SPTBN4: variants seen among roughly 807,000 people sequenced by gnomAD.
SPTBN4 encodes spectrin beta, non-erythrocytic 4.
Under a neutral mutation model 277.8 loss-of-function variants are expected in SPTBN4, and 96 were observed. That is an observed-to-expected ratio of 0.35 (90% CI 0.29 to 0.41). The LOEUF is 0.41. SPTBN4 is among the 10% of genes least tolerant of loss of function. The pLI, the probability that SPTBN4 is intolerant of heterozygous loss-of-function variation, is 1.00. For synonymous variants in SPTBN4, 1,481 were observed against 1,580.3 expected, an observed-to-expected ratio of 0.94 and a Z score of 1.49; for missense variants, 3,006 against 3,595.7, an observed-to-expected ratio of 0.84 and a Z score of 4.19.
chr19:40,541,944 C>T (rs747565720), intron 20 of SPTBN4, among the ~76,000 whole-genome samples: 7 of 151,962 alleles, frequency 4.6e-5, no homozygotes, highest in East Asian at 3.9e-4. Flanking sequence ...CTTTTTGAGA[C>T]GGAATCTCAC....
At chr19:40,503,721 G>A in intron 11 of SPTBN4, 109 bp from the exon 12 acceptor site, 2 of 1,234,180 alleles carry the variant, frequency 1.6e-6, no homozygotes, top group South Asian at 3.1e-5. Flanking sequence ...AGGGAGGGCA[G>A]GGCCAGTCTC....
chr19:40,509,010 C>T, intron 13 of SPTBN4, among the ~76,000 whole-genome samples: 1 of 151,408 alleles, frequency 6.6e-6, no homozygotes, highest in African/African-American at 2.4e-5. Context: ...TGTCCTACTC[C>T]ATCGTGGTCA....
chr19:40,495,776 G>A (rs1343822827), intron 6 of SPTBN4, among the ~76,000 whole-genome samples: 2 of 152,032 alleles, frequency 1.3e-5, no homozygotes, highest in African/African-American at 4.8e-5. Flanking sequence ...ATAGCTGAGG[G>A]TCAGACACCC....
At chr19:40,565,293 AAAG>A (rs2081080576) in intron 27 of SPTBN4, 127 bp from the exon 28 acceptor site, 14 of 1,205,920 alleles carry the variant, frequency 1.2e-5, no homozygotes, top group Non-Finnish European at 1.6e-5. Flanking sequence ...AAAGAAAAGA[AAAG>A]AAAGTAAGTG....
At chr19:40,569,819 G>A in intron 32 of SPTBN4, 93 bp downstream of exon 32, 2 of 1,251,182 alleles carry the variant, frequency 1.6e-6, no homozygotes, top group Non-Finnish European at 2.2e-6. Flanking sequence ...AGCCCTGGCA[G>A]GACCCATTCC....
In SPTBN4 at chr19:40,567,708, C is replaced by T; in HGVS notation, c.6382C>T (p.Leu2128=). The change falls in exon 31 of 36, where the codon CTG becomes TTG. Residue 2128 remains leucine, a synonymous_variant. Coordinates refer to ENST00000598249, the MANE Select transcript of SPTBN4 (RefSeq NM_020971.3). ...ACAGAGCAAGCAGCCGCCTACCCCA[C>T]TGCTGGGGCGCAAGTTCTTTGGGGA... ...AEQSKQPPTP[L]LGRKFFGDPT... 6.4e-7 allele frequency: 1 copy of T among 1,555,804 alleles called. No individual in the cohort carries two copies.
Position 40,557,305 on chromosome 19 carries a change from C to T in SPTBN4, c.5572C>T (p.Pro1858Ser), listed in dbSNP as rs142365607. The T allele has an allele frequency of 2.0e-5, 32 of 1,613,174 alleles. No individual in the cohort carries two copies. The highest frequency in any genetic ancestry group is 2.5e-5 in the Non-Finnish European group (29 of 1,179,786). ...GATTGAGGAGAAGCGGAGGCGGCTG[C>T]CCCGCCTGACCACCCCGCCTGAGCC... ...GQIEEKRRRLPRLTTPPEPRP... is the reference protein window; with the variant it reads ...GQIEEKRRRLSRLTTPPEPRP... The change falls in exon 26 of 36, where the codon CCC becomes TCC. Residue 1858 changes from proline to serine, a missense_variant. Pro to Ser is a moderately conservative substitution (Grantham distance 74). Transcript: ENST00000598249.
Position 40,556,306 on chromosome 19 carries a change from T to G in SPTBN4, c.5289+18T>G. The G allele has an allele frequency of 6.2e-7, 1 of 1,601,886 alleles. No individual in the cohort carries two copies. The highest frequency in any genetic ancestry group is 8.5e-7 in the Non-Finnish European group (1 of 1,172,448). On this transcript the variant is annotated intron_variant, in intron 25 of 35. Coordinates refer to ENST00000598249, the MANE Select transcript of SPTBN4 (RefSeq NM_020971.3). ...ATGTCTCGGTGAGCATCATTAGTAA[T>G]AAGTGATACCAGGAGCTACCACTAA...
In SPTBN4 at chr19:40,560,158, G is replaced by T. The variant is rs752945010; in HGVS notation, c.5671-1G>T. On this transcript the variant is annotated splice_acceptor_variant, in intron 26 of 35. Coordinates refer to ENST00000598249, the MANE Select transcript of SPTBN4 (RefSeq NM_020971.3). LOFTEE classifies it high-confidence loss of function. This position sits in a 1 kb window ranked among gnomAD's most constrained non-coding sequence, Gnocchi z 5.2. ...GGCGCCCGACCTGGCATGCCCTTCA[G>T]GTACGGCAGCTGCAGGAGGGGGCGG... The T allele has an allele frequency of 6.3e-7, 1 of 1,593,382 alleles. No homozygotes were observed. The highest frequency in any genetic ancestry group is 1.1e-5 in the South Asian group (1 of 90,328).
At chr19:40,569,617 A>G in intron 31 of SPTBN4, 40 bp from the exon 32 acceptor site, 1 of 1,605,776 alleles carries the variant, frequency 6.2e-7, no homozygotes, top group Non-Finnish European at 8.5e-7. Context: ...GGGAGAAGGA[A>G]CCCTGGTTTC....
In SPTBN4 at chr19:40,484,976, C is replaced by A. The variant is rs536415340; in HGVS notation, c.170-2721C>A. Among the ~76,000 whole-genome samples, 12 of 151,446 alleles carry A rather than the reference C, an allele frequency of 7.9e-5. No individual in the cohort carries two copies. The East Asian group carries it at 1.4e-3, about 17-fold the overall frequency. ...AACCAAAAAACAAAAAACAAAAAAACCACTTTATTGGCACCCACCACCATG... is the reference window on the plus strand; with the variant it reads ...AACCAAAAAACAAAAAACAAAAAAAACACTTTATTGGCACCCACCACCATG... On this transcript the variant is annotated intron_variant, in intron 2 of 35. Coordinates refer to ENST00000598249, the MANE Select transcript of SPTBN4 (RefSeq NM_020971.3).
rs149741647 is a variant in SPTBN4 at position 40,496,191 on chromosome 19, C to G, written c.668+1214C>G. Among the ~76,000 whole-genome samples the G allele has an allele frequency of 2.4e-3, 369 of 152,204 alleles. 3 individuals carry two copies. The highest frequency in any genetic ancestry group is 0.014 in the Middle Eastern group (4 of 294). ...TTGAGGGTGAGTCTCACTCTGTCCC[C>G]CAGGCTAGAGTGCAGTGGCACGATC... On this transcript the variant is annotated intron_variant, in intron 6 of 35. Transcript: ENST00000598249.
At chr19:40,510,058 C>T (rs6508941) in intron 13 of SPTBN4, among the ~76,000 whole-genome samples, 45,011 of 151,634 alleles carry the variant, frequency 0.3, 6,956 homozygotes, top group African/African-American at 0.38. Context: ...GTGGGGAGTG[C>T]GAGTGTGGGG....
chr19:40,496,122 C>T (rs1192865895), intron 6 of SPTBN4, among the ~76,000 whole-genome samples: 4 of 152,240 alleles, frequency 2.6e-5, no homozygotes, highest in South Asian at 2.1e-4. Flanking sequence ...TCAGTGTGTC[C>T]GATCCACCTA....
rs372721671 is a variant in SPTBN4 at position 40,542,066 on chromosome 19, C to T, written c.4360-7123C>T. 3.9e-5 allele frequency among the ~76,000 whole-genome samples: 6 copies of T among 152,282 alleles called. No homozygotes were observed. The East Asian group carries it at 9.7e-4, about 25-fold the overall frequency. ...CCTCCCAAGTAGTTGTGATTACAGG[C>T]GTGAGCCACCACGCCCGGCTAATTT... On this transcript the variant is annotated intron_variant, in intron 20 of 35. Coordinates refer to ENST00000598249, the MANE Select transcript of SPTBN4 (RefSeq NM_020971.3).
chr19:40,499,280 T>C (rs1201797149), intron 7 of SPTBN4, among the ~76,000 whole-genome samples: 1 of 151,740 alleles, frequency 6.6e-6, no homozygotes, highest in Non-Finnish European at 1.5e-5. Flanking sequence ...CTTCAAGTGA[T>C]CTGCTTGCCT....
In SPTBN4 at chr19:40,478,691, G is replaced by A. The variant is rs1043899927; in HGVS notation, c.169+5901G>A. Among the ~76,000 whole-genome samples, 8 of 151,946 alleles carry A rather than the reference G, an allele frequency of 5.3e-5. No individual in the cohort carries two copies. In the South Asian group the frequency reaches 6.2e-4, roughly 12 times the overall value. On this transcript the variant is annotated intron_variant, in intron 2 of 35. Coordinates refer to ENST00000598249, the MANE Select transcript of SPTBN4 (RefSeq NM_020971.3). ...CTCCCGAGTAGTTGGTATTACAGGC[G>A]CCCGTCACCACGCCCAGCTAATATT...
intron 2 of SPTBN4, among the ~76,000 whole-genome samples, chr19:40,473,181 G>A (rs1488672782): frequency 1.3e-5 from 2 of 151,900 alleles, no homozygotes; most frequent in African/African-American, 2.4e-5. Context: ...TGACTAGCTG[G>A]GACTACAGGT....
At chr19:40,539,995 G>A (rs2080780643) in intron 20 of SPTBN4, among the ~76,000 whole-genome samples, 1 of 150,846 alleles carries the variant, frequency 6.6e-6, no homozygotes, top group East Asian at 2.0e-4. Flanking sequence ...GCACAATCTC[G>A]GCTCACTGCA....
Sources: allele counts gnomAD v4.1 joint callset (sites outside exome capture counted in the v4.1 genomes callset), GRCh38; gene constraint gnomAD v4.1.1; non-coding constraint Gnocchi (gnomAD v3.1); transcripts MANE v1.5; gene names NCBI Gene and HGNC (gene_info 2026-07-23, HGNC 2026-07-21).